Variants in SORCS2 observed in about 807,000 individuals in gnomAD.
SORCS2 encodes VPS10 domain-containing receptor SorCS2.
SORCS2 carries 100 observed loss-of-function variants against 141.6 expected under a neutral mutation model. That is an observed-to-expected ratio of 0.71 (90% CI 0.60 to 0.83). The LOEUF is 0.83. SORCS2 is among the 40% of genes least tolerant of loss of function. The pLI is 0.00. For missense variants in SORCS2, 1,646 were observed against 1,560.2 expected, an observed-to-expected ratio of 1.05 and a Z score of -0.93; for synonymous variants, 789 against 676.9, an observed-to-expected ratio of 1.17 and a Z score of -2.57.
At chr4:7,493,774 G>A (rs528159815) in intron 2 of SORCS2, among the ~76,000 whole-genome samples, 8 of 152,318 alleles carry the variant, frequency 5.3e-5, no homozygotes, top group South Asian at 4.2e-4. Context: ...GGAAGACACC[G>A]CTGCTCAGCC....
At chr4:7,529,227 C>G (rs763356479) in intron 2 of SORCS2, among the ~76,000 whole-genome samples, 2 of 152,230 alleles carry the variant, frequency 1.3e-5, no homozygotes, top group African/African-American at 2.4e-5. Flanking sequence ...ATCACCTTGT[C>G]TAAGGGGACT....
chr4:7,603,973 TC>T (rs972711885), intron 3 of SORCS2, among the ~76,000 whole-genome samples: 10 of 152,334 alleles, frequency 6.6e-5, no homozygotes, highest in African/African-American at 2.4e-4. Flanking sequence ...TTAGTAAAAT[TC>T]ATATGTGTGA....
rs1716358204 is a variant in SORCS2 at position 7,288,250 on chromosome 4, C to G, written c.480+95124C>G. 2.0e-5 allele frequency among the ~76,000 whole-genome samples: 3 copies of G among 152,242 alleles called. No homozygotes were observed. In the South Asian group the frequency reaches 6.2e-4, roughly 32 times the overall value. Reference sequence around the variant, plus strand: ...CCAGCTGGACCACGAGAACTTGAACCTCACACCACACTGCGATCTGAAATT... The same window carrying G: ...CCAGCTGGACCACGAGAACTTGAACGTCACACCACACTGCGATCTGAAATT... On this transcript the variant is annotated intron_variant, in intron 1 of 26. Coordinates refer to ENST00000507866, the MANE Select transcript of SORCS2 (RefSeq NM_020777.3).
chr4:7,250,926 G>A (rs762203163), intron 1 of SORCS2, among the ~76,000 whole-genome samples: 4 of 152,378 alleles, frequency 2.6e-5, no homozygotes, highest in Admixed American at 6.5e-5. Flanking sequence ...GCCAGTGGGC[G>A]CAGGGCCAGC....
At chr4:7,674,919 G>A (rs565097480) in intron 8 of SORCS2, among the ~76,000 whole-genome samples, 6 of 152,166 alleles carry the variant, frequency 3.9e-5, no homozygotes, top group Admixed American at 1.3e-4. Context: ...GGGCGGCTCC[G>A]CAGGTGGGGC....
chr4:7,421,695 A>C (rs1229143144), intron 2 of SORCS2, among the ~76,000 whole-genome samples: 1 of 152,134 alleles, frequency 6.6e-6, no homozygotes, highest in African/African-American at 2.4e-5. Flanking sequence ...GACTGTGCAC[A>C]GGCTCGGCCC....
chr4:7,217,031 G>T (rs1728401792), intron 1 of SORCS2, among the ~76,000 whole-genome samples: 1 of 89,882 alleles, frequency 1.1e-5, no homozygotes, highest in Non-Finnish European at 2.2e-5. Flanking sequence ...CCGCACTACA[G>T]CTGCGCTCCT....
rs1199692510 is a variant in SORCS2 at position 7,697,190 on chromosome 4, T to C, written c.1592-8T>C. ...AAGGGTAGTACTGCCCCTTTTCTTT[T>C]GGACCAGGTAACCTGGGCTCACAGC... On this transcript the variant is annotated splice_region_variant and splice_polypyrimidine_tract_variant and intron_variant, in intron 11 of 26. Coordinates refer to ENST00000507866, the MANE Select transcript of SORCS2 (RefSeq NM_020777.3). The C allele has an allele frequency of 6.4e-7, 1 of 1,572,892 alleles. No individual in the cohort carries two copies.
intron 2 of SORCS2, among the ~76,000 whole-genome samples, chr4:7,448,325 G>A (rs1237689766): frequency 1.3e-5 from 2 of 151,984 alleles, no homozygotes; most frequent in African/African-American, 4.8e-5. Flanking sequence ...CGCCGGCCAG[G>A]CACAGAGAGA....
intron 1 of SORCS2, among the ~76,000 whole-genome samples, chr4:7,283,213 T>C (rs2108863259): frequency 6.6e-6 from 1 of 152,350 alleles, no homozygotes; most frequent in African/African-American, 2.4e-5. Context: ...AGACAGATAC[T>C]GAGCATGCAT....
At chr4:7,509,174 C>G (rs1008499659) in intron 2 of SORCS2, among the ~76,000 whole-genome samples, 2 of 152,148 alleles carry the variant, frequency 1.3e-5, no homozygotes, top group Admixed American at 6.5e-5. Context: ...GGTGAGGCAG[C>G]CCACATTAGA....
chr4:7,574,557 G>A (rs544977771), intron 3 of SORCS2, among the ~76,000 whole-genome samples: 2 of 152,076 alleles, frequency 1.3e-5, no homozygotes, highest in African/African-American at 4.8e-5. Flanking sequence ...AGAGAGACAG[G>A]GGGAAGGAGG....
At chr4:7,404,614 A>AT (rs1193285854) in intron 2 of SORCS2, among the ~76,000 whole-genome samples, 1 of 152,038 alleles carries the variant, frequency 6.6e-6, no homozygotes, top group African/African-American at 2.4e-5. Flanking sequence ...GATGTTGAGC[A>AT]TTTTTTCATC....
chr4:7,605,806 G>A (rs1028940958), intron 3 of SORCS2, among the ~76,000 whole-genome samples: 5 of 152,096 alleles, frequency 3.3e-5, no homozygotes, highest in Non-Finnish European at 5.9e-5. Flanking sequence ...TCTTGGGGGT[G>A]AGGAGCAGGG....
chr4:7,229,882 TGGTG>T (rs1180482758), intron 1 of SORCS2, among the ~76,000 whole-genome samples: 2 of 149,804 alleles, frequency 1.3e-5, no homozygotes, highest in Non-Finnish European at 1.5e-5. Context: ...AGGAGCAGTG[TGGTG>T]TGCTCATGTA....
intron 3 of SORCS2, among the ~76,000 whole-genome samples, chr4:7,532,743 C>T (rs977227740): frequency 2.6e-5 from 4 of 152,084 alleles, no homozygotes; most frequent in Non-Finnish European, 1.5e-5. Flanking sequence ...TGGGCCGTCT[C>T]GGTGGTCTCA....
At chr4:7,593,517 C>T (rs28407227) in intron 3 of SORCS2, among the ~76,000 whole-genome samples, 2,880 of 152,284 alleles carry the variant, frequency 0.019, 91 homozygotes, top group African/African-American at 0.065. Context: ...CTTCCAAGGC[C>T]CTTCCTCCCC....
At chr4:7,676,907 C>CTCT (rs1560475883) in intron 9 of SORCS2, among the ~76,000 whole-genome samples, 1 of 7,076 alleles carries the variant, frequency 1.4e-4, no homozygotes, top group Admixed American at 1.4e-3. Flanking sequence ...TCTCTCTCTC[C>CTCT]CTCTCTCCCT....
At chr4:7,541,678 C>G (rs966521991) in intron 3 of SORCS2, among the ~76,000 whole-genome samples, 1 of 152,210 alleles carries the variant, frequency 6.6e-6, no homozygotes, top group South Asian at 2.1e-4. Flanking sequence ...GGCTGAAAGA[C>G]CACCTTTTAA....
Sources: allele counts gnomAD v4.1 joint callset (sites outside exome capture counted in the v4.1 genomes callset), GRCh38; gene constraint gnomAD v4.1.1; transcripts MANE v1.5; gene names NCBI Gene and HGNC (gene_info 2026-07-23, HGNC 2026-07-21).